VAC14: variants seen among roughly 807,000 people sequenced by gnomAD.
The protein encoded by VAC14 is protein VAC14 homolog.
In VAC14, 47 loss-of-function variants were observed where a neutral mutation model predicts 85.3. That is an observed-to-expected ratio of 0.55 (90% CI 0.44 to 0.70). VAC14 has a LOEUF of 0.70. Among genes scored for constraint, VAC14 ranks in the 30% least tolerant of loss-of-function variants. VAC14 has a pLI of 0.00. For missense variants in VAC14, 861 were observed against 1,004.3 expected (o/e 0.86, Z 1.93); for synonymous variants, 447 against 430.5 (o/e 1.04, Z -0.47).
chr16:70,795,875 C>T (rs1297501825), intron 1 of VAC14, among the ~76,000 whole-genome samples: 4 of 152,372 alleles, frequency 2.6e-5, no homozygotes, highest in East Asian at 1.9e-4. Flanking sequence ...GTGGCGCTGT[C>T]TCTCCCAGCC....
Position 70,687,687 on chromosome 16 carries a change from C to T in VAC14, c.*241G>A. On this transcript the variant is annotated 3_prime_UTR_variant, in exon 19 of 19. Coordinates refer to ENST00000261776, the MANE Select transcript of VAC14 (RefSeq NM_018052.5). Reference sequence around the variant, plus strand: ...GAGTGGTCTCTGAGGCTATAGCCCCCCACTGGGTGGGCAGCCAGCTCTGTG... The same window carrying T: ...GAGTGGTCTCTGAGGCTATAGCCCCTCACTGGGTGGGCAGCCAGCTCTGTG... 5.0e-6 allele frequency: 2 copies of T among 396,648 alleles called. No homozygotes were observed. The highest frequency in any genetic ancestry group is 8.8e-6 in the Non-Finnish European group (2 of 226,882). 24.6% of individuals were successfully genotyped at this position (396,648 alleles called of 1,614,324 possible).
At chr16:70,771,975 T>C (rs2033254380) in intron 10 of VAC14, 134 bp downstream of exon 10, 1 of 748,124 alleles carries the variant, frequency 1.3e-6, no homozygotes, top group Non-Finnish European at 2.2e-6. Context: ...TTAACTCTTT[T>C]GTGTACGAGG....
chr16:70,771,861 A>G, intron 10 of VAC14: 1 of 485,746 alleles, frequency 2.1e-6, no homozygotes, highest in Non-Finnish European at 3.7e-6. Context: ...GATTAGAGGC[A>G]TAAGCCACCA....
chr16:70,792,303 G>T (rs1357221871), intron 1 of VAC14, among the ~76,000 whole-genome samples: 1 of 152,208 alleles, frequency 6.6e-6, no homozygotes, highest in Non-Finnish European at 1.5e-5. Context: ...TCATCTACAG[G>T]TTGGGAGCCA....
At chr16:70,782,142 A>T (rs994095557) in intron 7 of VAC14, 139 bp from the exon 8 acceptor site, 7 of 1,212,646 alleles carry the variant, frequency 5.8e-6, no homozygotes, top group Non-Finnish European at 6.8e-6. Context: ...CCAATGCTCT[A>T]CTACCTGTGT....
chr16:70,800,868 C>T lies in VAC14; in HGVS notation c.33G>A (p.Thr11=). MNPEKDFAPL[T]PNIVRALNDK... ...CATTGAGGGCGCGCACGATGTTAGG[C>T]GTGAGCGGCGCGAAATCCTTCTCGG... is the stretch of plus-strand genomic sequence containing the variant. The change falls in exon 1 of 19, where the codon ACG becomes ACA. Residue 11 remains threonine, a synonymous_variant. Coordinates refer to ENST00000261776, the MANE Select transcript of VAC14 (RefSeq NM_018052.5). The T allele has an allele frequency of 6.2e-7, 1 of 1,605,162 alleles. No individual in the cohort carries two copies. The highest frequency in any genetic ancestry group is 8.5e-7 in the Non-Finnish European group (1 of 1,175,786).
chr16:70,760,439 G>C (rs1015860432), intron 12 of VAC14, among the ~76,000 whole-genome samples: 4 of 152,158 alleles, frequency 2.6e-5, no homozygotes, highest in Non-Finnish European at 5.9e-5. Context: ...TGTGATTCTG[G>C]AAAGCAACCG....
intron 12 of VAC14, among the ~76,000 whole-genome samples, chr16:70,753,469 C>T (rs1179865233): frequency 3.3e-5 from 5 of 152,186 alleles, no homozygotes; most frequent in Non-Finnish European, 5.9e-5. Context: ...CTTCTGAGGA[C>T]GCAGGAACGC....
intron 18 of VAC14, chr16:70,689,239 C>T (rs761931555): frequency 8.1e-6 from 8 of 985,310 alleles, no homozygotes; most frequent in Admixed American, 6.1e-5. Flanking sequence ...TGCCTTGACA[C>T]GATGTGTAAG....
At chr16:70,705,627 T>C (rs1343855691) in intron 14 of VAC14, among the ~76,000 whole-genome samples, 1 of 152,134 alleles carries the variant, frequency 6.6e-6, no homozygotes, top group Non-Finnish European at 1.5e-5. Context: ...GACAGCAAGG[T>C]TGAGAGATGA....
intron 13 of VAC14, among the ~76,000 whole-genome samples, chr16:70,732,945 G>C (rs1422151521): frequency 6.6e-6 from 1 of 152,146 alleles, no homozygotes; most frequent in East Asian, 1.9e-4. Flanking sequence ...CACCACACCC[G>C]GCCCAAGGCA....
chr16:70,756,514 C>G (rs900272296), intron 12 of VAC14, among the ~76,000 whole-genome samples: 1 of 152,220 alleles, frequency 6.6e-6, no homozygotes, highest in African/African-American at 2.4e-5. Flanking sequence ...TGCTTCCCAG[C>G]GCCTACCCTG....
At chr16:70,689,688 G>A (rs1193173407) in intron 18 of VAC14, 3 of 985,558 alleles carry the variant, frequency 3.0e-6, no homozygotes, top group Non-Finnish European at 2.4e-6. Flanking sequence ...TGGCGCTCCT[G>A]GCTCCCTAGC....
intron 14 of VAC14, among the ~76,000 whole-genome samples, chr16:70,719,577 C>T (rs1052109344): frequency 2.6e-5 from 4 of 152,022 alleles, no homozygotes; most frequent in Non-Finnish European, 5.9e-5. Context: ...TGAACAGACT[C>T]GTCACAAAAG....
intron 10 of VAC14, among the ~76,000 whole-genome samples, chr16:70,768,193 A>G (rs905318630): frequency 2.0e-5 from 3 of 152,136 alleles, no homozygotes; most frequent in Non-Finnish European, 4.4e-5. Flanking sequence ...GCTGTTCTTT[A>G]CATACTTTAA....
chr16:70,690,204 G>C, intron 18 of VAC14: 6 of 985,510 alleles, frequency 6.1e-6, no homozygotes, highest in South Asian at 9.4e-5. Flanking sequence ...CCTGCTCCCT[G>C]TGATGGGCAG....
At chr16:70,800,149 TC>T (rs371939471) in intron 1 of VAC14, among the ~76,000 whole-genome samples, 3 of 152,072 alleles carry the variant, frequency 2.0e-5, no homozygotes, top group African/African-American at 7.2e-5. Context: ...AAATAAAACA[TC>T]CCCAGTTAAA....
chr16:70,760,050 T>C (rs1387408817), intron 12 of VAC14, among the ~76,000 whole-genome samples: 1 of 152,152 alleles, frequency 6.6e-6, no homozygotes, highest in Non-Finnish European at 1.5e-5. Context: ...ATTCCTCCCA[T>C]GGTAATGACT....
chr16:70,754,632 G>C (rs115712972), intron 12 of VAC14, among the ~76,000 whole-genome samples: 2,767 of 152,252 alleles, frequency 0.018, 82 homozygotes, highest in African/African-American at 0.061. Context: ...CTCAGGAAGA[G>C]GGTCCCCGGG....
Sources: gnomAD v4.1 joint callset for allele counts (sites outside exome capture counted in the v4.1 genomes callset) on GRCh38, gnomAD v4.1.1 for gene constraint, MANE v1.5 for transcripts, NCBI Gene and HGNC (gene_info 2026-07-23, HGNC 2026-07-21) for gene names.